Variants in CFAP95 observed in about 807,000 individuals in gnomAD.
The protein encoded by CFAP95 is cilia and flagella associated protein 95.
chr9:69,841,164 T>TTTTATATATATATATATA, the CFAP95 span, among the ~76,000 whole-genome samples: 571 of 55,992 alleles, frequency 0.01, 56 homozygotes, highest in Middle Eastern at 0.015. Context: ...CCAAGCTGGA[T>TTTTATATATATATATATA]TATATATATA....
At chr9:69,827,489 G>A in the CFAP95 span, among the ~76,000 whole-genome samples, 11 of 152,244 alleles carry the variant, frequency 7.2e-5, no homozygotes, top group African/African-American at 2.2e-4. Flanking sequence ...AAATAGTCTC[G>A]TTCAGAACAG....
chr9:69,904,594 A>C, the CFAP95 span, among the ~76,000 whole-genome samples: 1 of 152,154 alleles, frequency 6.6e-6, no homozygotes. Context: ...CTCTCTGCCT[A>C]TGAAATGCTG....
the CFAP95 span, among the ~76,000 whole-genome samples, chr9:69,901,156 GA>G: frequency 7.8e-6 from 1 of 128,886 alleles, no homozygotes; most frequent in African/African-American, 3.3e-5. Flanking sequence ...TTTTTTTTTT[GA>G]GATGGAGTCT....
chr9:69,876,673 C>T, the CFAP95 span, among the ~76,000 whole-genome samples: 1 of 152,052 alleles, frequency 6.6e-6, no homozygotes, highest in Non-Finnish European at 1.5e-5. Flanking sequence ...CTTGCGCTGT[C>T]TCCCAGGCTA....
chr9:69,902,405 G>A, the CFAP95 span: 1 of 436,308 alleles, frequency 2.3e-6, no homozygotes, highest in Admixed American at 2.6e-5. Context: ...GGGATTACAA[G>A]GATATTGTCT....
the CFAP95 span, among the ~76,000 whole-genome samples, chr9:69,896,228 A>G: frequency 6.6e-6 from 1 of 152,176 alleles, no homozygotes; most frequent in Non-Finnish European, 1.5e-5. Flanking sequence ...GAAAAATCGT[A>G]TTTGTGTTTT....
the CFAP95 span, among the ~76,000 whole-genome samples, chr9:69,823,623 G>A: frequency 4.6e-5 from 7 of 152,258 alleles, no homozygotes; most frequent in African/African-American, 1.4e-4. Context: ...AGTTAGTTTC[G>A]CTCACGTGCA....
chr9:69,866,501 A>G, the CFAP95 span, among the ~76,000 whole-genome samples: 2 of 152,316 alleles, frequency 1.3e-5, no homozygotes, highest in Admixed American at 1.3e-4. Flanking sequence ...GAGAAAATGG[A>G]TGTCCTAGCT....
At chr9:69,883,597 C>T in the CFAP95 span, among the ~76,000 whole-genome samples, 1 of 152,262 alleles carries the variant, frequency 6.6e-6, no homozygotes, top group East Asian at 1.9e-4. Flanking sequence ...TGGATTTCCT[C>T]ATGGTTCAGT....
the CFAP95 span, among the ~76,000 whole-genome samples, chr9:69,871,560 G>T: frequency 6.7e-6 from 1 of 150,100 alleles, no homozygotes; most frequent in Non-Finnish European, 1.5e-5. Context: ...GAAGGGTGCA[G>T]ATTTTAGATC....
the CFAP95 span, among the ~76,000 whole-genome samples, chr9:69,899,698 C>T: frequency 6.6e-6 from 1 of 152,336 alleles, no homozygotes; most frequent in South Asian, 2.1e-4. Flanking sequence ...ATGCTGAACA[C>T]CTGTTTCCTT....
At chr9:69,892,183 AT>A in the CFAP95 span, among the ~76,000 whole-genome samples, 5 of 152,130 alleles carry the variant, frequency 3.3e-5, no homozygotes, top group Admixed American at 1.3e-4. Context: ...TGTTATATTC[AT>A]TTTTAAAGAT....
At chr9:69,830,300 T>C in the CFAP95 span, among the ~76,000 whole-genome samples, 582 of 152,204 alleles carry the variant, frequency 3.8e-3, 2 homozygotes, top group African/African-American at 0.013. Context: ...CAAATGGAAA[T>C]ATGGTAGCTC....
At chr9:69,840,303 C>T in the CFAP95 span, among the ~76,000 whole-genome samples, 1 of 152,064 alleles carries the variant, frequency 6.6e-6, no homozygotes, top group Non-Finnish European at 1.5e-5. Context: ...CATTATTGCA[C>T]CTTGATTATT....
At chr9:69,863,902 AT>A in the CFAP95 span, among the ~76,000 whole-genome samples, 1 of 152,216 alleles carries the variant, frequency 6.6e-6, no homozygotes, top group Non-Finnish European at 1.5e-5. Context: ...AAGGAAAAAA[AT>A]ATATACACAT....
chr9:69,872,800 G>C, the CFAP95 span, among the ~76,000 whole-genome samples: 3 of 152,234 alleles, frequency 2.0e-5, no homozygotes, highest in South Asian at 6.2e-4. Flanking sequence ...CAGTGAGCTT[G>C]AATCACCTGT....
the CFAP95 span, chr9:69,820,870 G>T: frequency 6.2e-7 from 1 of 1,613,624 alleles, no homozygotes; most frequent in Non-Finnish European, 8.5e-7. Context: ...TCTGTACCTC[G>T]AGGGCTCCCA....
chr9:69,870,225 T>G, the CFAP95 span, among the ~76,000 whole-genome samples: 1 of 152,120 alleles, frequency 6.6e-6, no homozygotes, highest in Admixed American at 6.6e-5. Flanking sequence ...TACTATTTAC[T>G]AAGAAGAGTT....
chr9:69,890,679 A>C, the CFAP95 span, among the ~76,000 whole-genome samples: 3 of 152,248 alleles, frequency 2.0e-5, no homozygotes, highest in Admixed American at 1.3e-4. Flanking sequence ...GGTCTACTAC[A>C]TCTGCAATTA....
Sources: gnomAD v4.1 joint callset for allele counts (sites outside exome capture counted in the v4.1 genomes callset) on GRCh38, gnomAD v4.1.1 for gene constraint, MANE v1.5 for transcripts, NCBI Gene and HGNC (gene_info 2026-07-23, HGNC 2026-07-21) for gene names.